The following STAP2 variants were observed in gnomAD, a reference collection of about 807,000 sequenced individuals.
STAP2 encodes the protein signal-transducing adaptor protein 2.
STAP2 carries 58 observed loss-of-function variants against 52.7 expected under a neutral mutation model. The ratio of observed to expected loss-of-function variants is 1.10; its 90% CI spans 0.89 to 1.37. The LOEUF (loss-of-function observed/expected upper bound fraction) is 1.37, where lower values mean the gene tolerates loss of function less well. Ranked by LOEUF, STAP2 falls within the 40% of genes most tolerant of loss-of-function variation. STAP2 has a pLI of 0.00. For missense variants in STAP2, 522 were observed against 519.4 expected (o/e 1.00, Z -0.05); for synonymous variants, 231 against 210.5 (o/e 1.10, Z -0.84).
At chr19:4,325,604 T>G in intron 9 of STAP2, 59 bp from the exon 10 acceptor site, 1 of 1,516,422 alleles carries the variant, frequency 6.6e-7, no homozygotes, top group Non-Finnish European at 8.8e-7. Flanking sequence ...CCTTGCAGGT[T>G]GGCGGGGGGG....
chr19:4,325,636 A>G (rs986773723), intron 9 of STAP2, 91 bp from the exon 10 acceptor site: 18 of 1,415,708 alleles, frequency 1.3e-5, no homozygotes, highest in Admixed American at 4.4e-5. Context: ...GCCTGGAGAC[A>G]GGCATGTGTC....
chr19:4,328,925 C>A, intron 5 of STAP2, 116 bp from the exon 6 acceptor site: 1 of 1,415,516 alleles, frequency 7.1e-7, no homozygotes, highest in Non-Finnish European at 9.4e-7. Context: ...CCCAGGAGAC[C>A]CTGCCCTGCT....
intron 1 of STAP2, among the ~76,000 whole-genome samples, chr19:4,335,996 A>G (rs756184002): frequency 2.6e-5 from 4 of 152,012 alleles, no homozygotes; most frequent in East Asian, 3.9e-4. Context: ...ATTCGGGCCC[A>G]TGATCTTTTT....
Position 4,333,893 on chromosome 19 carries a change from T to C in STAP2, c.175-77A>G, listed in dbSNP as rs1971932512. The C allele has an allele frequency of 2.5e-6, 4 of 1,612,428 alleles. No homozygotes were observed. In the South Asian group the frequency reaches 4.4e-5, roughly 18 times the overall value. On this transcript the variant is annotated intron_variant, in intron 2 of 12. Coordinates refer to ENST00000594605, the MANE Select transcript of STAP2 (RefSeq NM_001013841.2). Reference sequence around the variant, plus strand: ...CCCCTGGATGATGTAGCAGCCACCTTGACCACACCATCTACATTGTCTGCT... The same window carrying C: ...CCCCTGGATGATGTAGCAGCCACCTCGACCACACCATCTACATTGTCTGCT...
chr19:4,338,186 C>T (rs867920351), intron 1 of STAP2: 7 of 159,746 alleles, frequency 4.4e-5, no homozygotes, highest in East Asian at 3.6e-4. Flanking sequence ...ATGTGGCCCC[C>T]GCTAGCTCTT....
At chr19:4,328,608 CA>C in intron 6 of STAP2, 66 bp downstream of exon 6, 1 of 1,534,492 alleles carries the variant, frequency 6.5e-7, no homozygotes, top group Non-Finnish European at 8.8e-7. Flanking sequence ...TGCTTCTGAC[CA>C]CGCCCCCGCG....
intron 6 of STAP2, among the ~76,000 whole-genome samples, chr19:4,327,845 G>C (rs903078665): frequency 8.6e-5 from 13 of 150,338 alleles, no homozygotes; most frequent in Admixed American, 8.6e-4. Context: ...GCCCAACCCT[G>C]GACTGGGCTT....
At chr19:4,335,165 CCTACTCATCCATCCAT>C (rs1215239597) in intron 1 of STAP2, among the ~76,000 whole-genome samples, 1 of 150,524 alleles carries the variant, frequency 6.6e-6, no homozygotes, top group Non-Finnish European at 1.5e-5. Context: ...CATCCATCCA[CCTACTCATCCATCCAT>C]CCCTCATCCA....
intron 3 of STAP2, 97 bp from the exon 4 acceptor site, chr19:4,332,175 GTTTTCTTTTTTCTTTTTCTTCTTT>G: frequency 1.3e-6 from 1 of 760,754 alleles, no homozygotes; most frequent in Non-Finnish European, 1.9e-6. Flanking sequence ...TCAAAGGGCC[GTTTTCTTTTTTCTTTTTCTTCTTT>G]TTTTTTTTTT....
At chr19:4,332,735 G>T (rs1309112501) in intron 3 of STAP2, among the ~76,000 whole-genome samples, 2 of 151,844 alleles carry the variant, frequency 1.3e-5, no homozygotes, top group African/African-American at 2.4e-5. Flanking sequence ...GAGGTAGGAG[G>T]ATCGATCGCT....
chr19:4,327,005 A>G lies in STAP2; in HGVS notation c.766T>C (p.Tyr256His). ...CCATTCTCCTTATCGGCTTCCACGT[A>G]GCCTGGAACAGAGAGGGCGGCCTGG... is the stretch of plus-strand genomic sequence containing the variant. ...LDEDYEKVLG[Y>H]VEADKENGEN... Residue 256 changes from tyrosine to histidine, a missense_variant and splice_region_variant, in exon 9 of 13, where the codon TAC becomes CAC. Coordinates refer to ENST00000594605, the MANE Select transcript of STAP2 (RefSeq NM_001013841.2). The G allele has an allele frequency of 6.4e-7, 1 of 1,563,450 alleles. No homozygotes were observed. Among genetic ancestry groups the G allele is most frequent in the Non-Finnish European group, 8.7e-7 (1 of 1,152,870 alleles).
At chr19:4,336,505 G>C (rs1285422455) in intron 1 of STAP2, among the ~76,000 whole-genome samples, 1 of 148,686 alleles carries the variant, frequency 6.7e-6, no homozygotes, top group Non-Finnish European at 1.5e-5. Flanking sequence ...AGTAGAGATG[G>C]GGTTTCATCA....
At chr19:4,329,667 C>G (rs983766067) in intron 5 of STAP2, among the ~76,000 whole-genome samples, 3 of 152,128 alleles carry the variant, frequency 2.0e-5, no homozygotes, top group Non-Finnish European at 2.9e-5. Flanking sequence ...GCATCACCTT[C>G]TAGACACCTA....
chr19:4,325,626 G>T, intron 9 of STAP2, 81 bp from the exon 10 acceptor site: 1 of 1,454,632 alleles, frequency 6.9e-7, no homozygotes, highest in Non-Finnish European at 9.2e-7. Flanking sequence ...CTGTGTGCAT[G>T]CCTGGAGACA....
intron 6 of STAP2, among the ~76,000 whole-genome samples, chr19:4,327,691 C>G (rs888146258): frequency 2.6e-5 from 4 of 152,000 alleles, no homozygotes; most frequent in African/African-American, 9.7e-5. Flanking sequence ...CCAGGCCAGA[C>G]TGACAACACC....
intron 12 of STAP2, 104 bp downstream of exon 12, chr19:4,324,351 G>C (rs1971747597): frequency 8.4e-6 from 11 of 1,312,612 alleles, no homozygotes; most frequent in African/African-American, 1.5e-5. Flanking sequence ...GACAGAGACA[G>C]CAGAACCTTA....
chr19:4,328,367 C>T, intron 6 of STAP2: 1 of 316,614 alleles, frequency 3.2e-6, no homozygotes, highest in South Asian at 3.9e-5. Context: ...CTGATTCCGC[C>T]ACCAGTGTAC....
chr19:4,326,947 C>G lies in STAP2; in HGVS notation c.824G>C (p.Gly275Ala), dbSNP rs1479021394. ...ENVWVAPSAP[G>A]PGPAPCTGGP... Reference sequence around the variant, plus strand: ...CCGCGGGAAGGGGGCGTCACCTGGGCCCGGAGCGGAGGGCGCCACCCACAC... The same window carrying G: ...CCGCGGGAAGGGGGCGTCACCTGGGGCCGGAGCGGAGGGCGCCACCCACAC... Residue 275 changes from glycine (G) to alanine (A), a missense_variant, in exon 9 of 13, where the codon GGC (glycine) becomes GCC (alanine). Physicochemically the swap from Gly to Ala is moderately conservative, Grantham distance 60. Transcript: ENST00000594605. 1.3e-6 allele frequency: 2 copies of G among 1,551,474 alleles called. No individual in the cohort carries two copies. The highest frequency in any genetic ancestry group is 2.4e-5 in the South Asian group (2 of 84,120).
intron 9 of STAP2, 71 bp downstream of exon 9, chr19:4,326,871 G>T: frequency 1.3e-6 from 2 of 1,524,408 alleles, no homozygotes; most frequent in Non-Finnish European, 8.9e-7. Context: ...CCACCAAACT[G>T]ACTGAGGGGG....
Sources: gnomAD v4.1 joint callset for allele counts (sites outside exome capture counted in the v4.1 genomes callset) on GRCh38, gnomAD v4.1.1 for gene constraint, MANE v1.5 for transcripts, NCBI Gene and HGNC (gene_info 2026-07-23, HGNC 2026-07-21) for gene names.